The following ACSS1 variants were observed in gnomAD, a reference collection of about 807,000 sequenced individuals.
The protein encoded by ACSS1 is acyl-CoA synthetase short chain family member 1.
In ACSS1, 42 loss-of-function variants were observed where a neutral mutation model predicts 75.3. That is an observed-to-expected ratio of 0.56 (90% CI 0.44 to 0.72). The LOEUF (loss-of-function observed/expected upper bound fraction) is 0.72, where lower values mean the gene tolerates loss of function less well. ACSS1 is among the 30% of genes least tolerant of loss of function. The pLI, the probability that ACSS1 is intolerant of heterozygous loss-of-function variation, is 0.00. For missense variants in ACSS1, 782 were observed against 935.7 expected, an observed-to-expected ratio of 0.84 and a Z score of 2.14; for synonymous variants, 380 against 376.8, an observed-to-expected ratio of 1.01 and a Z score of -0.10.
intron 3 of ACSS1, among the ~76,000 whole-genome samples, chr20:25,029,351 G>A (rs749450789): frequency 6.6e-6 from 1 of 152,088 alleles, no homozygotes; most frequent in African/African-American, 2.4e-5. Context: ...TTACTATGAC[G>A]GCTGTAATTT....
intron 3 of ACSS1, 56 bp downstream of exon 3, chr20:25,030,703 A>G: frequency 6.3e-7 from 1 of 1,593,552 alleles, no homozygotes; most frequent in African/African-American, 1.4e-5. Flanking sequence ...CCAGGCCCCC[A>G]GGAACAAGGA....
intron 1 of ACSS1, among the ~76,000 whole-genome samples, chr20:25,051,243 T>C (rs1409084266): frequency 6.6e-6 from 1 of 152,198 alleles, no homozygotes; most frequent in Non-Finnish European, 1.5e-5. Context: ...CACTGCCTGC[T>C]GCGCTCCCTA....
At chr20:25,025,390 T>C (rs1015398031) in intron 3 of ACSS1, among the ~76,000 whole-genome samples, 1 of 152,246 alleles carries the variant, frequency 6.6e-6, no homozygotes, top group African/African-American at 2.4e-5. Context: ...AGGAACCACA[T>C]GCCACTCTGG....
At chr20:25,047,700 C>T (rs1407314108) in intron 2 of ACSS1, among the ~76,000 whole-genome samples, 1 of 152,170 alleles carries the variant, frequency 6.6e-6, no homozygotes, top group Non-Finnish European at 1.5e-5. Context: ...ACCAACACAG[C>T]AGCCCCTACA....
In ACSS1 at chr20:25,007,514, C is replaced by T; in HGVS notation, c.*248G>A. ...GGCAATGCCTTTTCATTCCAGGAAA[C>T]CAAACTCAGATGGCAGAACCAGCCC... On this transcript the variant is annotated 3_prime_UTR_variant, in exon 14 of 14. Transcript: ENST00000323482. 1.5e-6 allele frequency: 2 copies of T among 1,318,534 alleles called. No individual in the cohort carries two copies. The highest frequency in any genetic ancestry group is 1.9e-6 in the Non-Finnish European group (2 of 1,033,588). 81.7% of individuals were successfully genotyped at this position (1,318,534 alleles called of 1,614,324 possible).
At position 25,020,097 on chromosome 20, in the gene ACSS1, C is replaced by A. The variant is rs377038551; in HGVS notation, c.1159G>T (p.Ala387Ser). ...ERLKINQFYG[A>S]PTAVRLLLKY... ...AGCAACAGCCGGACAGCCGTTGGGG[C>A]GCCATAGAACTGATTGATCTTCAAC... is the stretch of plus-strand genomic sequence containing the variant. Residue 387 changes from alanine (A) to serine (S), a missense_variant, in exon 7 of 14, where the codon GCC becomes TCC. By Grantham distance (99) the Ala-to-Ser change is moderately conservative. Transcript: ENST00000323482. 6.2e-7 allele frequency: 1 copy of A among 1,614,216 alleles called. No individual in the cohort carries two copies. The highest frequency in any genetic ancestry group is 8.5e-7 in the Non-Finnish European group (1 of 1,180,040).
In ACSS1 at chr20:25,012,639, C is replaced by T. The variant is rs1269147291; in HGVS notation, c.1733G>A (p.Ser578Asn). 4 of 1,614,078 alleles carry T rather than the reference C, an allele frequency of 2.5e-6. No individual in the cohort carries two copies. The highest frequency in any genetic ancestry group is 3.4e-6 in the Non-Finnish European group (4 of 1,180,050). ...GTCGTGGGGGTAGCCAATGACAGCA[C>T]TTTCTGGTACTGCAGGGTGGTCGGC... ...AIADHPAVPE[S>N]AVIGYPHDIK... The change falls in exon 12 of 14, where the codon AGT (serine) becomes AAT (asparagine). Residue 578 changes from serine to asparagine, a missense_variant. This residue lies in a region of ACSS1 where 405 missense variants were observed against 552.6 expected (regional missense o/e 0.73). Coordinates refer to ENST00000323482, the MANE Select transcript of ACSS1 (RefSeq NM_032501.4).
In ACSS1 at chr20:25,057,797, C is replaced by T. The variant is rs1215553456; in HGVS notation, c.306G>A (p.Trp102Ter). The T allele has an allele frequency of 1.9e-6, 3 of 1,593,972 alleles. No homozygotes were observed. The highest frequency in any genetic ancestry group is 2.6e-6 in the Non-Finnish European group (3 of 1,165,238). Residue 102 changes from tryptophan (W) to a stop codon, truncating the protein, a stop_gained, in exon 1 of 14, where the codon TGG (tryptophan) becomes TGA (stop). Coordinates refer to ENST00000323482, the MANE Select transcript of ACSS1 (RefSeq NM_032501.4). LOFTEE classifies it high-confidence loss of function. ...AGACATTTAACTGGCCTCCCAGGAA[C>T]CAGCCGATCTTGCCAGTGCTGAAGT... ...DCDFSTGKIG[W>*]FLGGQLNVSV...
rs199711533 is a variant in ACSS1, at chr20:25,035,147, G to C, written c.432-4189C>G. 4.4e-4 allele frequency among the ~76,000 whole-genome samples: 67 copies of C among 151,978 alleles called. No homozygotes were observed. In the East Asian group the frequency reaches 0.013, roughly 29 times the overall value. ...CCTGACCTCATGATCCACCTGCCTT[G>C]GCCTCCCGAAGTGCTGGGATTACAG... On this transcript the variant is annotated intron_variant, in intron 2 of 13. Coordinates refer to ENST00000323482, the MANE Select transcript of ACSS1 (RefSeq NM_032501.4).
chr20:25,022,466 T>C (rs1486030484), intron 5 of ACSS1, among the ~76,000 whole-genome samples: 1 of 152,096 alleles, frequency 6.6e-6, no homozygotes, highest in Non-Finnish European at 1.5e-5. Context: ...CACAAAACTA[T>C]CAAAATAAAA....
intron 1 of ACSS1, 86 bp from the exon 2 acceptor site, chr20:25,048,267 G>A: frequency 1.8e-6 from 2 of 1,115,816 alleles, no homozygotes; most frequent in South Asian, 1.4e-5. Flanking sequence ...AGCGGGTCTA[G>A]TTTGCTGTGG....
intron 2 of ACSS1, chr20:25,045,814 T>C (rs1351101851): frequency 1.3e-5 from 2 of 152,252 alleles, no homozygotes; most frequent in Non-Finnish European, 2.9e-5. Context: ...CCTCAAATAC[T>C]AGCTGCAATT....
At chr20:25,055,863 G>A (rs1294962355) in intron 1 of ACSS1, among the ~76,000 whole-genome samples, 5 of 152,218 alleles carry the variant, frequency 3.3e-5, no homozygotes, top group Non-Finnish European at 5.9e-5. Context: ...TCCCAGAAGA[G>A]TCATGGCCTG....
intron 2 of ACSS1, among the ~76,000 whole-genome samples, chr20:25,042,466 C>A (rs1667307944): frequency 6.6e-6 from 1 of 152,178 alleles, no homozygotes; most frequent in African/African-American, 2.4e-5. Context: ...ATGGGAGCCC[C>A]ACAGACCACA....
intron 3 of ACSS1, among the ~76,000 whole-genome samples, chr20:25,025,764 T>G (rs1299313788): frequency 2.6e-5 from 4 of 152,190 alleles, no homozygotes; most frequent in African/African-American, 9.7e-5. Context: ...GTGGCCCTGT[T>G]TATCTTCAAA....
At chr20:25,018,875 T>C (rs926537339) in intron 7 of ACSS1, among the ~76,000 whole-genome samples, 3 of 152,202 alleles carry the variant, frequency 2.0e-5, no homozygotes, top group African/African-American at 7.2e-5. Context: ...ATCATCTCCA[T>C]GCTGAACATT....
chr20:25,046,759 A>T (rs779946034), intron 2 of ACSS1: 2 of 778,620 alleles, frequency 2.6e-6, no homozygotes, highest in African/African-American at 3.4e-5. Context: ...AGCCAAGCAC[A>T]CTCCAGTGTG....
intron 3 of ACSS1, among the ~76,000 whole-genome samples, chr20:25,026,369 T>A (rs1337674318): frequency 6.6e-6 from 1 of 152,208 alleles, no homozygotes; most frequent in Non-Finnish European, 1.5e-5. Context: ...GCCAGGCCTG[T>A]GCCAGCCTGG....
chr20:25,041,589 G>A (rs549092937), intron 2 of ACSS1, among the ~76,000 whole-genome samples: 19 of 152,356 alleles, frequency 1.2e-4, no homozygotes, highest in Non-Finnish European at 2.1e-4. Flanking sequence ...CCCTTTGGGA[G>A]GGGAGCCCTT....
Sources: allele counts gnomAD v4.1 joint callset (sites outside exome capture counted in the v4.1 genomes callset), GRCh38; gene constraint gnomAD v4.1.1; regional missense constraint gnomAD v4.1.1; transcripts MANE v1.5; gene names NCBI Gene and HGNC (gene_info 2026-07-23, HGNC 2026-07-21).